Variants in NSD1 observed in about 807,000 individuals in gnomAD.
NSD1 encodes the protein histone-lysine N-methyltransferase, H3 lysine-36 specific.
NSD1 carries 26 observed loss-of-function variants against 242.7 expected under a neutral mutation model. The observed-to-expected ratio is 0.11, with a 90% CI of 0.08 to 0.15. The LOEUF is 0.15. Among genes scored for constraint, NSD1 ranks in the 10% least tolerant of loss-of-function variants. The pLI, the probability that NSD1 is intolerant of heterozygous loss-of-function variation, is 1.00. For missense variants in NSD1, 2,495 were observed against 3,272.8 expected (o/e 0.76, Z 5.80); for synonymous variants, 1,106 against 1,178.1 (o/e 0.94, Z 1.25).
intron 2 of NSD1, among the ~76,000 whole-genome samples, chr5:177,187,946 G>A (rs1761365730): frequency 6.6e-6 from 1 of 152,104 alleles, no homozygotes; most frequent in Non-Finnish European, 1.5e-5. Flanking sequence ...ATATAAAAAA[G>A]GCTTAGTACC....
chr5:177,263,255 G>A (rs920916514), intron 14 of NSD1, among the ~76,000 whole-genome samples: 1 of 152,230 alleles, frequency 6.6e-6, no homozygotes, highest in Non-Finnish European at 1.5e-5. Flanking sequence ...AAGGAGATTT[G>A]TATTATCAGG....
chr5:177,135,187 G>A lies in NSD1; in HGVS notation c.84G>A (p.Lys28=). The A allele has an allele frequency of 6.2e-7, 1 of 1,614,064 alleles. No individual in the cohort carries two copies. Among genetic ancestry groups the A allele is most frequent in the Non-Finnish European group, 8.5e-7 (1 of 1,179,926 alleles). Residue 28 remains lysine (K), a synonymous_variant, in exon 2 of 23, where the codon AAG becomes AAA. Coordinates refer to ENST00000439151, the MANE Select transcript of NSD1 (RefSeq NM_022455.5). ...TGAATTTAGATGCCCCTGAAGACAA[G>A]GACAGCCCTTTCGGTAATGGTCAAT... is the stretch of plus-strand genomic sequence containing the variant. ...NPVNLDAPED[K]DSPFGNGQSN...
chr5:177,170,009 G>T (rs1347622412), intron 2 of NSD1, among the ~76,000 whole-genome samples: 3 of 151,994 alleles, frequency 2.0e-5, no homozygotes, highest in South Asian at 2.1e-4. Context: ...TTGCTCTGTC[G>T]CCCAGGCTGG....
Position 177,244,590 on chromosome 5 carries a change from C to T in NSD1, c.4378+320C>T, listed in dbSNP as rs10077589. ...GCAAGGTCAGGGAACTAAATCCACA[C>T]CTGACCAATTTCATGGTCATACTCC... On this transcript the variant is annotated intron_variant, in intron 9 of 22. Transcript: ENST00000439151. 7.7e-3 allele frequency among the ~76,000 whole-genome samples: 1,177 copies of T among 152,302 alleles called. 19 individuals are homozygous for T. The highest frequency in any genetic ancestry group is 0.027 in the African/African-American group (1,123 of 41,556).
chr5:177,166,992 C>A (rs1471184776), intron 2 of NSD1, among the ~76,000 whole-genome samples: 1 of 151,754 alleles, frequency 6.6e-6, no homozygotes, highest in South Asian at 2.1e-4. Flanking sequence ...GTGATCTGCC[C>A]ACCTCGGCCT....
At chr5:177,264,028 A>ATTTTTTTTTTT (rs61538775) in intron 14 of NSD1, among the ~76,000 whole-genome samples, 1,171 of 76,312 alleles carry the variant, frequency 0.015, 221 homozygotes, top group East Asian at 0.031. Flanking sequence ...CAATGAACCA[A>ATTTTTTTTTTT]TTTTTTTTTT....
At chr5:177,267,142 G>A (rs1381573725) in intron 14 of NSD1, among the ~76,000 whole-genome samples, 2 of 152,200 alleles carry the variant, frequency 1.3e-5, no homozygotes, top group Non-Finnish European at 2.9e-5. Context: ...ACAGGCCTGA[G>A]GCACTGTGCC....
At chr5:177,198,596 C>T (rs1762277743) in intron 3 of NSD1, among the ~76,000 whole-genome samples, 1 of 152,126 alleles carries the variant, frequency 6.6e-6, no homozygotes, top group Non-Finnish European at 1.5e-5. Context: ...AGTAAATCTA[C>T]TTACTCCAAA....
At chr5:177,159,681 C>T (rs1000114112) in intron 2 of NSD1, among the ~76,000 whole-genome samples, 9 of 151,112 alleles carry the variant, frequency 6.0e-5, no homozygotes, top group South Asian at 2.1e-4. Context: ...CCGCAACCTC[C>T]GCCTCCCACG....
intron 2 of NSD1, among the ~76,000 whole-genome samples, chr5:177,190,559 G>A (rs904233911): frequency 2.0e-5 from 3 of 152,112 alleles, no homozygotes; most frequent in South Asian, 2.1e-4. Context: ...CAGAGTACTG[G>A]GATTACAGAT....
intron 2 of NSD1, among the ~76,000 whole-genome samples, chr5:177,189,049 A>T (rs868421582): frequency 2.0e-5 from 3 of 152,186 alleles, no homozygotes; most frequent in Admixed American, 6.5e-5. Context: ...TCTCAAAAAA[A>T]ACACACAAAA....
intron 3 of NSD1, among the ~76,000 whole-genome samples, chr5:177,197,823 G>A (rs754198455): frequency 9.2e-5 from 14 of 152,076 alleles, no homozygotes; most frequent in Non-Finnish European, 1.9e-4. Flanking sequence ...CAAATAAAAT[G>A]TCCATTAGGG....
intron 14 of NSD1, among the ~76,000 whole-genome samples, chr5:177,267,341 AGGGCCTGTGGT>A (rs1314535559): frequency 2.0e-5 from 3 of 152,228 alleles, no homozygotes; most frequent in Non-Finnish European, 2.9e-5. Context: ...GAATTTCCCA[AGGGCCTGTGGT>A]CCTAGAGCTA....
intron 6 of NSD1, among the ~76,000 whole-genome samples, chr5:177,236,624 A>G (rs1002128144): frequency 2.6e-5 from 4 of 152,174 alleles, no homozygotes; most frequent in African/African-American, 9.7e-5. Context: ...AAAGTCATCT[A>G]CTTTCTGTAT....
chr5:177,152,339 A>G (rs1486589076), intron 2 of NSD1, among the ~76,000 whole-genome samples: 1 of 150,610 alleles, frequency 6.6e-6, no homozygotes, highest in African/African-American at 2.5e-5. Context: ...GTATGTATGT[A>G]TGTATGTATG....
Position 177,300,091 on chromosome 5 carries a change from G to GT in NSD1, c.*4633dup. Reference sequence around the variant, plus strand: ...CCCCCGCCCCCATAGATTGTCAGCTGTAAGTGAAACTCCTAGTGAAAAAGA... The same window carrying GT: ...CCCCCGCCCCCATAGATTGTCAGCTGTTAAGTGAAACTCCTAGTGAAAAAGA... On this transcript the variant is annotated 3_prime_UTR_variant, in exon 23 of 23. Transcript: ENST00000439151. The GT allele has an allele frequency of 5.0e-6, 1 of 199,094 alleles. No individual in the cohort carries two copies. The highest frequency in any genetic ancestry group is 9.3e-6 in the Non-Finnish European group (1 of 107,880). The allele number at this position is 199,094 out of a possible 1,614,324, so 12.3% of individuals were successfully genotyped here. A position where few individuals can be genotyped will look rare whatever the true frequency, so the allele number is the denominator to read the frequency against.
chr5:177,211,700 G>T lies in NSD1; in HGVS notation c.3301G>T (p.Asp1101Tyr), dbSNP rs1763356823. 1.9e-6 allele frequency: 3 copies of T among 1,614,092 alleles called. No individual in the cohort carries two copies. Among genetic ancestry groups the T allele is most frequent in the Non-Finnish European group, 2.5e-6 (3 of 1,180,028 alleles). The change falls in exon 5 of 23, where the codon GAT (aspartate) becomes TAT (tyrosine). Residue 1101 changes from aspartate to tyrosine, a missense_variant. By Grantham distance (160) the Asp-to-Tyr change is radical. This residue lies in a region of NSD1 where 426 missense variants were observed against 411.4 expected (regional missense o/e 1.04). Transcript: ENST00000439151. ...GATAATGGGCCACTTAACAAGTGAA[G>T]ATGGTGACCATTTTTCTGATGTGCA... ...LQIMGHLTSE[D>Y]GDHFSDVHFD...
intron 2 of NSD1, 140 bp from the exon 3 acceptor site, chr5:177,191,744 A>G: frequency 4.9e-6 from 4 of 820,714 alleles, no homozygotes; most frequent in Non-Finnish European, 7.9e-6. Context: ...AGTTGTACTT[A>G]TTTTGTAATT....
rs948015650 is a variant in NSD1, at chr5:177,296,688, G to A, written c.*1229G>A. The stretch of plus-strand genomic sequence containing the variant: ...GGCAAGAGGTGGTGTTTAGAGCAAC[G>A]TCCAGGCTAAGAGATGACTCCTATT... On this transcript the variant is annotated 3_prime_UTR_variant, in exon 23 of 23. Transcript: ENST00000439151. 2.6e-5 allele frequency: 6 copies of A among 233,246 alleles called. No individual in the cohort carries two copies. The highest frequency in any genetic ancestry group is 5.1e-5 in the Non-Finnish European group (6 of 118,124). 14.4% of individuals were successfully genotyped at this position (233,246 alleles called of 1,614,324 possible).
Sources: gnomAD v4.1 joint callset for allele counts (sites outside exome capture counted in the v4.1 genomes callset) on GRCh38, gnomAD v4.1.1 for gene constraint, gnomAD v4.1.1 regional missense constraint, MANE v1.5 for transcripts, NCBI Gene and HGNC (gene_info 2026-07-23, HGNC 2026-07-21) for gene names.